Variants in RNF212 observed in about 807,000 individuals in gnomAD.
The protein encoded by RNF212 is ring finger protein 212.
Under a neutral mutation model 34.7 loss-of-function variants are expected in RNF212, and 33 were observed. That is an observed-to-expected ratio of 0.95 (90% confidence interval 0.72 to 1.27). The LOEUF (loss-of-function observed/expected upper bound fraction) is 1.27. Among genes scored for constraint, RNF212 ranks in the 50% most tolerant of loss-of-function variants. The pLI is 0.00. For missense variants in RNF212, 377 were observed against 362.2 expected, an observed-to-expected ratio of 1.04 and a Z score of -0.33; for synonymous variants, 140 against 136.1, an observed-to-expected ratio of 1.03 and a Z score of -0.20.
intron 1 of RNF212, among the ~76,000 whole-genome samples, chr4:1,111,948 C>T (rs1312822195): frequency 6.6e-6 from 1 of 152,192 alleles, no homozygotes; most frequent in Non-Finnish European, 1.5e-5. Context: ...CAATGATAAA[C>T]TTTGCTAATC....
downstream of RNF212, among the ~76,000 whole-genome samples, chr4:1,068,934 G>A (rs1398732626): frequency 6.6e-6 from 1 of 152,176 alleles, no homozygotes. Flanking sequence ...ATGGCTGGAC[G>A]CAATGGCTCA....
chr4:1,110,533 T>C (rs565576958), intron 1 of RNF212, among the ~76,000 whole-genome samples: 1 of 152,222 alleles, frequency 6.6e-6, no homozygotes, highest in African/African-American at 2.4e-5. Context: ...AACTATGTTA[T>C]GGTATGATAG....
chr4:1,113,073 G>GCCC (rs548356874), intron 1 of RNF212, among the ~76,000 whole-genome samples: 1 of 360 alleles, frequency 2.8e-3, no homozygotes, highest in Non-Finnish European at 7.1e-3. Context: ...ACCCCCCCAT[G>GCCC]CCCCCCCCGC....
intron 2 of RNF212, among the ~76,000 whole-genome samples, chr4:1,098,482 G>A (rs926958711): frequency 6.6e-5 from 10 of 152,232 alleles, no homozygotes; most frequent in African/African-American, 1.9e-4. Context: ...GCATCCTGGA[G>A]GTGAGCTCCT....
At chr4:1,093,797 A>C in intron 3 of RNF212, 1 of 1,535,990 alleles carries the variant, frequency 6.5e-7, no homozygotes, top group Non-Finnish European at 8.7e-7. Flanking sequence ...GAGCAGGGTG[A>C]GGGGGTGAGG....
At chr4:1,082,486 C>T (rs1245096584) in intron 5 of RNF212, among the ~76,000 whole-genome samples, 3 of 152,350 alleles carry the variant, frequency 2.0e-5, no homozygotes, top group Middle Eastern at 6.8e-3. Context: ...TTTTGAGATA[C>T]GAACAGTCTG....
At chr4:1,098,151 C>T (rs1194625543) in intron 2 of RNF212, among the ~76,000 whole-genome samples, 2 of 151,312 alleles carry the variant, frequency 1.3e-5, no homozygotes, top group Admixed American at 1.3e-4. Context: ...AACCTCATGC[C>T]TCCTCCCATT....
At chr4:1,105,634 G>T (rs1396182518) in intron 2 of RNF212, among the ~76,000 whole-genome samples, 1 of 152,248 alleles carries the variant, frequency 6.6e-6, no homozygotes, top group South Asian at 2.1e-4. Flanking sequence ...CCATCAGAGG[G>T]TACTGCACTA....
At chr4:1,099,002 T>A (rs1560150134) in intron 2 of RNF212, among the ~76,000 whole-genome samples, 1 of 152,036 alleles carries the variant, frequency 6.6e-6, no homozygotes, top group Non-Finnish European at 1.5e-5. Flanking sequence ...ATTCTACACA[T>A]GACAGACACC....
At chr4:1,079,914 C>T (rs185885173) in intron 7 of RNF212, among the ~76,000 whole-genome samples, 4 of 152,360 alleles carry the variant, frequency 2.6e-5, no homozygotes, top group Non-Finnish European at 4.4e-5. Flanking sequence ...GGACAGAGGC[C>T]GCTGGCCGGC....
intron 2 of RNF212, among the ~76,000 whole-genome samples, chr4:1,106,175 A>C (rs916440836): frequency 2.0e-5 from 3 of 151,924 alleles, no homozygotes; most frequent in Non-Finnish European, 2.9e-5. Context: ...CTGCGGAAGA[A>C]AGAGCCCACA....
At chr4:1,076,993 G>A (rs980503941) in intron 8 of RNF212, among the ~76,000 whole-genome samples, 2 of 152,198 alleles carry the variant, frequency 1.3e-5, no homozygotes, top group Non-Finnish European at 2.9e-5. Context: ...ACTTTGGGAC[G>A]CTGAGGTGGG....
At chr4:1,076,185 C>T (rs6836350) in intron 8 of RNF212, among the ~76,000 whole-genome samples, 120,845 of 152,128 alleles carry the variant, frequency 0.79, 48,467 homozygotes, top group African/African-American at 0.88. Context: ...CTTGCCTTCC[C>T]GGGCACCTTG....
At chr4:1,082,728 C>T (rs1196306298) in intron 5 of RNF212, among the ~76,000 whole-genome samples, 3 of 152,190 alleles carry the variant, frequency 2.0e-5, no homozygotes, top group East Asian at 1.9e-4. Context: ...GGGCACTGGG[C>T]GTGTTTGGCT....
intron 2 of RNF212, among the ~76,000 whole-genome samples, chr4:1,102,869 C>T (rs1179848790): frequency 7.1e-6 from 1 of 141,644 alleles, no homozygotes; most frequent in African/African-American, 2.7e-5. Context: ...AGGCCGGGCA[C>T]GGTGGCTCAC....
At chr4:1,103,581 G>C (rs1474989577) in intron 2 of RNF212, among the ~76,000 whole-genome samples, 2 of 151,666 alleles carry the variant, frequency 1.3e-5, no homozygotes, top group Non-Finnish European at 2.9e-5. Flanking sequence ...AGAATCTAAC[G>C]TGGGTTTCAA....
chr4:1,103,961 G>A (rs1315095936), intron 2 of RNF212, among the ~76,000 whole-genome samples: 6 of 151,724 alleles, frequency 4.0e-5, no homozygotes, highest in African/African-American at 7.3e-5. Context: ...ACATGTTGGC[G>A]TATGTAAATG....
chr4:1,058,781 G>T (rs1283047443), intron 3 of RNF212, among the ~76,000 whole-genome samples: 1 of 152,212 alleles, frequency 6.6e-6, no homozygotes, highest in African/African-American at 2.4e-5. Flanking sequence ...TCGGCCCGTG[G>T]GCTCTGCGAG....
intron 3 of RNF212, chr4:1,058,512 G>A (rs936189891): frequency 3.1e-5 from 9 of 287,934 alleles, no homozygotes; most frequent in South Asian, 2.6e-4. Flanking sequence ...TCCCTGCCAC[G>A]AGGGCAGTGG....
Sources: gnomAD v4.1 joint callset for allele counts (sites outside exome capture counted in the v4.1 genomes callset) on GRCh38, gnomAD v4.1.1 for gene constraint, MANE v1.5 for transcripts, NCBI Gene and HGNC (gene_info 2026-07-23, HGNC 2026-07-21) for gene names.